Variants in GRIK2 observed in about 807,000 individuals in gnomAD.
GRIK2 encodes the protein glutamate receptor ionotropic, kainate 2.
In GRIK2, 32 loss-of-function variants were observed where a neutral mutation model predicts 100.3. The observed-to-expected ratio is 0.32, with a 90% CI of 0.24 to 0.43. GRIK2 has a LOEUF of 0.43. Ranked by LOEUF, GRIK2 falls within the 20% of genes least tolerant of loss-of-function variation. GRIK2 has a pLI of 1.00. For synonymous variants in GRIK2, 417 were observed against 389.4 expected (o/e 1.07, Z -0.83); for missense variants, 843 against 1,114.9 (o/e 0.76, Z 3.47).
intron 14 of GRIK2, among the ~76,000 whole-genome samples, chr6:102,010,040 A>G (rs912235784): frequency 2.0e-5 from 3 of 152,224 alleles, no homozygotes; most frequent in Admixed American, 6.5e-5. Flanking sequence ...ATTTTAGAGC[A>G]TTTTAAAGTT....
rs896070136 is a variant in GRIK2, at chr6:101,673,365, C to T, written c.542-3258C>T. Among the ~76,000 whole-genome samples the T allele has an allele frequency of 8.5e-5, 13 of 152,142 alleles. 1 individual carries two copies. The highest frequency in any genetic ancestry group is 1.5e-4 in the Non-Finnish European group (10 of 68,030). ...TTAAAAATCCAACTATTTCTTTCCC[C>T]GGTTCTTCTCATCGGTCCTCCATAA... is the stretch of plus-strand genomic sequence containing the variant. On this transcript the variant is annotated intron_variant, in intron 4 of 16. Transcript: ENST00000369134.
At chr6:101,882,167 T>A (rs1786296819) in intron 11 of GRIK2, among the ~76,000 whole-genome samples, 1 of 152,046 alleles carries the variant, frequency 6.6e-6, no homozygotes, top group Non-Finnish European at 1.5e-5. Flanking sequence ...ACTGGGTCCC[T>A]CCCACAACAC....
Position 102,068,383 on chromosome 6 carries a change from A to T in GRIK2, c.2599A>T (p.Met867Leu). 6.2e-7 allele frequency: 1 copy of T among 1,611,868 alleles called. No homozygotes were observed. Among genetic ancestry groups the T allele is most frequent in the African/African-American group, 1.3e-5 (1 of 74,840 alleles). The change falls in exon 17 of 17, where the codon ATG becomes TTG. Residue 867 changes from methionine (M) to leucine (L), a missense_variant. Around this residue, in one of 3 missense-constraint regions of GRIK2, gnomAD observed 87 missense variants for 83.2 expected, o/e 1.05. Coordinates refer to ENST00000369134, the MANE Select transcript of GRIK2 (RefSeq NM_021956.5). ...FCSAMVEELRMSLKCQRRLKH... is the reference protein window; with the variant it reads ...FCSAMVEELRLSLKCQRRLKH... ...TAGTGCCATGGTAGAAGAATTGAGG[A>T]TGTCCCTGAAGTGCCAGCGTCGGTT...
At chr6:101,413,981 C>T (rs1178302414) in intron 2 of GRIK2, among the ~76,000 whole-genome samples, 1 of 152,116 alleles carries the variant, frequency 6.6e-6, no homozygotes, top group East Asian at 1.9e-4. Context: ...TAACTGCTTA[C>T]CCATGTGCCA....
At chr6:101,687,533 A>T (rs1012106481) in intron 7 of GRIK2, among the ~76,000 whole-genome samples, 1 of 151,894 alleles carries the variant, frequency 6.6e-6, no homozygotes, top group African/African-American at 2.4e-5. Context: ...CTTGTTTTTG[A>T]TACTGTAGGG....
At chr6:101,699,142 G>A (rs1582983257) in intron 7 of GRIK2, among the ~76,000 whole-genome samples, 1 of 152,140 alleles carries the variant, frequency 6.6e-6, no homozygotes, top group Non-Finnish European at 1.5e-5. Context: ...ACTCCAGAAA[G>A]TGCTACCACA....
chr6:101,761,915 C>G (rs971740900), intron 7 of GRIK2, among the ~76,000 whole-genome samples: 12 of 113,702 alleles, frequency 1.1e-4, no homozygotes, highest in Non-Finnish European at 1.7e-4. Flanking sequence ...TTCTTCCTTT[C>G]TTTCCTTTGT....
chr6:101,700,521 T>C (rs1187031300), intron 7 of GRIK2, among the ~76,000 whole-genome samples: 1 of 152,128 alleles, frequency 6.6e-6, no homozygotes, highest in Non-Finnish European at 1.5e-5. Context: ...CTAAATATCA[T>C]GCAATTTGTG....
At chr6:101,846,829 A>G (rs911563654) in intron 10 of GRIK2, among the ~76,000 whole-genome samples, 2 of 151,990 alleles carry the variant, frequency 1.3e-5, no homozygotes, top group African/African-American at 4.8e-5. Flanking sequence ...TAAACTTTTT[A>G]TATCTACAAA....
At chr6:101,537,453 T>C (rs3057386) in intron 2 of GRIK2, among the ~76,000 whole-genome samples, 2,098 of 100,614 alleles carry the variant, frequency 0.021, 15 homozygotes, top group Non-Finnish European at 0.031. Flanking sequence ...TGTGTGTGTG[T>C]GCGTGTGTGT....
chr6:101,399,506 C>T, intron 2 of GRIK2, 114 bp downstream of exon 2: 2 of 691,566 alleles, frequency 2.9e-6, no homozygotes, highest in Middle Eastern at 5.0e-4. Context: ...CTGCTCACTG[C>T]TCTGTCGTCT....
At chr6:102,047,170 T>A (rs1290572362) in intron 15 of GRIK2, among the ~76,000 whole-genome samples, 3 of 151,768 alleles carry the variant, frequency 2.0e-5, no homozygotes, top group African/African-American at 7.3e-5. Flanking sequence ...AAGAACAAAC[T>A]AAACCCTAAA....
intron 14 of GRIK2, among the ~76,000 whole-genome samples, chr6:102,028,522 T>G (rs889023099): frequency 6.6e-6 from 1 of 151,284 alleles, no homozygotes; most frequent in Non-Finnish European, 1.5e-5. Context: ...AAATACATTC[T>G]AGTATTTTTA....
intron 15 of GRIK2, among the ~76,000 whole-genome samples, chr6:102,046,368 C>G (rs1337007308): frequency 2.0e-5 from 3 of 151,938 alleles, no homozygotes; most frequent in Non-Finnish European, 4.4e-5. Context: ...ATTGTAATCC[C>G]CACATTTTAA....
intron 7 of GRIK2, among the ~76,000 whole-genome samples, chr6:101,710,291 A>G (rs953003697): frequency 3.3e-5 from 5 of 151,806 alleles, no homozygotes; most frequent in Non-Finnish European, 5.9e-5. Context: ...AGAAGCCTGC[A>G]TTCTAGTTGT....
At chr6:101,794,218 G>A (rs1780121316) in intron 7 of GRIK2, among the ~76,000 whole-genome samples, 1 of 152,094 alleles carries the variant, frequency 6.6e-6, no homozygotes, top group African/African-American at 2.4e-5. Context: ...CTGCACTGCT[G>A]TTCTGTGCCC....
intron 2 of GRIK2, among the ~76,000 whole-genome samples, chr6:101,416,401 C>T (rs934033065): frequency 6.6e-6 from 1 of 152,136 alleles, no homozygotes; most frequent in African/African-American, 2.4e-5. Context: ...TCCTCAGTGT[C>T]AGTACTGGTG....
chr6:102,028,726 G>GT (rs59432122), intron 14 of GRIK2, among the ~76,000 whole-genome samples: 41,163 of 149,448 alleles, frequency 0.28, 5,981 homozygotes, highest in East Asian at 0.34. Flanking sequence ...TTAAGAAATC[G>GT]TTTTTTTTAT....
chr6:101,774,300 AT>A (rs753204966), intron 7 of GRIK2, among the ~76,000 whole-genome samples: 15 of 152,174 alleles, frequency 9.9e-5, no homozygotes, highest in Non-Finnish European at 2.2e-4. Context: ...ATGAATATAA[AT>A]TTTTAAATGC....
Sources: allele counts gnomAD v4.1 joint callset (sites outside exome capture counted in the v4.1 genomes callset), GRCh38; gene constraint gnomAD v4.1.1; regional missense constraint gnomAD v4.1.1; transcripts MANE v1.5; gene names NCBI Gene and HGNC (gene_info 2026-07-23, HGNC 2026-07-21).